The following MARCHF6 variants were observed in gnomAD, a reference collection of about 807,000 sequenced individuals.
The protein encoded by MARCHF6 is E3 ubiquitin-protein ligase MARCHF6.
In MARCHF6, 31 loss-of-function variants were observed where a neutral mutation model predicts 133.7. That is an observed-to-expected ratio of 0.23 (90% CI 0.17 to 0.31). MARCHF6 has a LOEUF of 0.31. MARCHF6 is among the 10% of genes least tolerant of loss of function. The pLI is 1.00. For synonymous variants in MARCHF6, 395 were observed against 402.5 expected (o/e 0.98, Z 0.22); for missense variants, 723 against 1,121.6 (o/e 0.64, Z 5.08).
intron 1 of MARCHF6, among the ~76,000 whole-genome samples, chr5:10,368,760 A>G (rs1579528811): frequency 6.6e-6 from 1 of 151,546 alleles, no homozygotes; most frequent in Admixed American, 6.6e-5. Context: ...TTTAGTAGAG[A>G]TGGTGTTTCA....
rs555668676 is a variant in MARCHF6 at position 10,376,600 on chromosome 5, T to C, written c.20-1198T>C. 1.5e-4 allele frequency among the ~76,000 whole-genome samples: 23 copies of C among 152,188 alleles called. No individual in the cohort carries two copies. The South Asian group carries it at 4.1e-3, about 27-fold the overall frequency. On this transcript the variant is annotated intron_variant, in intron 1 of 25. Transcript: ENST00000274140. ...AGGTGAGCATTCGGCATCTCCCAATTTAGACAAATGGCATTCAGCCATCTG... is the reference window on the plus strand; with the variant it reads ...AGGTGAGCATTCGGCATCTCCCAATCTAGACAAATGGCATTCAGCCATCTG...
chr5:10,420,989 C>T (rs1328932771), intron 22 of MARCHF6, among the ~76,000 whole-genome samples: 1 of 150,126 alleles, frequency 6.7e-6, no homozygotes, highest in Non-Finnish European at 1.5e-5. Flanking sequence ...TTCTAGCACT[C>T]TTACTGAGGG....
rs555848968 is a variant in MARCHF6 at position 10,383,396 on chromosome 5, A to G, written c.334+1453A>G. Among the ~76,000 whole-genome samples the G allele has an allele frequency of 1.3e-4, 20 of 152,340 alleles. No homozygotes were observed. In the South Asian group the frequency reaches 3.7e-3, roughly 28 times the overall value. On this transcript the variant is annotated intron_variant, in intron 4 of 25. Coordinates refer to ENST00000274140, the MANE Select transcript of MARCHF6 (RefSeq NM_005885.4). ...CTGACCATGGTAAAGGAAAAGTCTCATGAACCTAGACATATTCTCAAGTTT... is the reference window on the plus strand; with the variant it reads ...CTGACCATGGTAAAGGAAAAGTCTCGTGAACCTAGACATATTCTCAAGTTT...
chr5:10,436,109 G>T lies in MARCHF6; in HGVS notation c.*2425G>T, dbSNP rs1740645674. On this transcript the variant is annotated 3_prime_UTR_variant, in exon 26 of 26. Transcript: ENST00000274140. ...TTGTGGATCTTGGTATAAAGTCATT[G>T]GAACATATCTGTTTTAACAGCAAGA... 6.6e-6 allele frequency: 1 copy of T among 152,042 alleles called. No homozygotes were observed. The highest frequency in any genetic ancestry group is 2.1e-4 in the South Asian group (1 of 4,806). The allele number at this position is 152,042 out of a possible 1,614,324, so 9.4% of individuals were successfully genotyped here. A position where few individuals can be genotyped will look rare whatever the true frequency, so the allele number is the denominator to read the frequency against.
chr5:10,437,650 A>G lies in MARCHF6; in HGVS notation c.*3966A>G, dbSNP rs1161992798. ...ACCTTAAATAAAAATGTAATGACTA[A>G]TCTAAGGTCTAGGAATAACTATTGT... On this transcript the variant is annotated 3_prime_UTR_variant, in exon 26 of 26. Transcript: ENST00000274140. 4.6e-5 allele frequency: 7 copies of G among 152,220 alleles called. No individual in the cohort carries two copies. The highest frequency in any genetic ancestry group is 1.7e-4 in the African/African-American group (7 of 41,456). 9.4% of individuals were successfully genotyped at this position (152,220 alleles called of 1,614,324 possible). A position where few individuals can be genotyped will look rare whatever the true frequency, so the allele number is the denominator to read the frequency against.
chr5:10,423,551 A>T (rs1739935170), intron 22 of MARCHF6, among the ~76,000 whole-genome samples, 184 bp from the exon 23 acceptor site: 1 of 152,212 alleles, frequency 6.6e-6, no homozygotes, highest in Non-Finnish European at 1.5e-5. Flanking sequence ...GAAACATTGA[A>T]TTTGAGCTGT....
intron 2 of MARCHF6, 101 bp from the exon 3 acceptor site, chr5:10,378,658 C>G: frequency 1.4e-6 from 1 of 729,510 alleles, no homozygotes. Flanking sequence ...AAACTAAAAG[C>G]TCTGTGATAT....
intron 17 of MARCHF6, among the ~76,000 whole-genome samples, chr5:10,407,965 C>CA (rs1288525562): frequency 1.9e-4 from 19 of 97,690 alleles, no homozygotes; most frequent in South Asian, 8.1e-4. Context: ...CCCCCCCCCC[C>CA]AAAAAAAAAA....
In MARCHF6 at chr5:10,391,636, C is replaced by T. The variant is rs1737852959; in HGVS notation, c.671C>T (p.Ala224Val). 1.2e-6 allele frequency: 2 copies of T among 1,611,320 alleles called. No individual in the cohort carries two copies. The highest frequency in any genetic ancestry group is 1.7e-6 in the Non-Finnish European group (2 of 1,178,944). Residue 224 changes from alanine (A) to valine (V), a missense_variant, in exon 7 of 26, where the codon GCC (alanine) becomes GTC (valine). Ala to Val is a moderately conservative substitution (Grantham distance 64). Transcript: ENST00000274140. ...GCAGTGGTGGGGGAAAACCCTGATG[C>T]CCAGGATGACCAGGCAGAAGAGGAG... is the stretch of plus-strand genomic sequence containing the variant. ...ENAVVGENPD[A>V]QDDQAEEEEE...
chr5:10,363,780 G>C (rs1177921300), intron 1 of MARCHF6, among the ~76,000 whole-genome samples: 1 of 152,118 alleles, frequency 6.6e-6, no homozygotes, highest in African/African-American at 2.4e-5. Flanking sequence ...CAGTTCAAAG[G>C]AATTAAGTAC....
chr5:10,357,081 A>G (rs1423085991), intron 1 of MARCHF6, among the ~76,000 whole-genome samples: 1 of 152,160 alleles, frequency 6.6e-6, no homozygotes, highest in Non-Finnish European at 1.5e-5. Flanking sequence ...CCATCCTGAC[A>G]TTTTTAAACT....
Position 10,426,445 on chromosome 5 carries a change from C to T in MARCHF6, c.2429C>T (p.Ala810Val), listed in dbSNP as rs1194919577. Residue 810 changes from alanine to valine, a missense_variant, in exon 24 of 26, where the codon GCA becomes GTA. Physicochemically the swap from Ala to Val is moderately conservative, Grantham distance 64 (BLOSUM62 0). Around this residue, in one of 4 missense-constraint regions of MARCHF6, gnomAD observed 492 missense variants for 699.5 expected, o/e 0.70. Coordinates refer to ENST00000274140, the MANE Select transcript of MARCHF6 (RefSeq NM_005885.4). ...CTTCACTATATTGTTCGTAAACTGG[C>T]AGCTCCCGTGATCTCTGTGCTGTTG... ...IDLHYIVRKL[A>V]APVISVLLLS... The T allele has an allele frequency of 6.2e-7, 1 of 1,614,130 alleles. No homozygotes were observed. The highest frequency in any genetic ancestry group is 1.1e-5 in the South Asian group (1 of 91,078).
At chr5:10,416,168 C>T (rs137894275) in intron 21 of MARCHF6, among the ~76,000 whole-genome samples, 1 of 152,276 alleles carries the variant, frequency 6.6e-6, no homozygotes, top group African/African-American at 2.4e-5. Context: ...ACACATATGA[C>T]TCCCACAAAT....
chr5:10,423,884 A>G (rs1739947798), intron 23 of MARCHF6, 60 bp downstream of exon 23: 2 of 1,268,392 alleles, frequency 1.6e-6, no homozygotes, highest in Non-Finnish European at 2.3e-6. Context: ...TATGTTTGGC[A>G]GCTATAACTC....
At chr5:10,362,271 A>G (rs1204856575) in intron 1 of MARCHF6, among the ~76,000 whole-genome samples, 1 of 152,240 alleles carries the variant, frequency 6.6e-6, no homozygotes. Flanking sequence ...TATTGGGTAC[A>G]TGTCTACTAC....
chr5:10,390,547 AATT>A lies in MARCHF6; in HGVS notation c.576+51_576+53del, dbSNP rs765675167. On this transcript the variant is annotated intron_variant, in intron 6 of 25. Coordinates refer to ENST00000274140, the MANE Select transcript of MARCHF6 (RefSeq NM_005885.4). ...TGATTTTACTTAGGTAGGTCATGAG[AATT>A]ATTGTTTCTCTCTGAGACTCAAACT... The A allele has an allele frequency of 9.7e-6, 15 of 1,539,380 alleles. No individual in the cohort carries two copies. The South Asian group carries it at 1.3e-4, about 13-fold the overall frequency.
intron 1 of MARCHF6, among the ~76,000 whole-genome samples, chr5:10,357,600 TCAGA>T (rs1456357970): frequency 6.6e-6 from 1 of 152,192 alleles, no homozygotes; most frequent in Admixed American, 6.6e-5. Context: ...GTTGTCAGAA[TCAGA>T]CAGCTAGTTC....
intron 1 of MARCHF6, among the ~76,000 whole-genome samples, chr5:10,365,267 A>G (rs1192981069): frequency 6.6e-6 from 1 of 152,056 alleles, no homozygotes; most frequent in Non-Finnish European, 1.5e-5. Context: ...TAAAATAAGT[A>G]AACTTTGGGG....
intron 1 of MARCHF6, among the ~76,000 whole-genome samples, chr5:10,362,992 A>G (rs1359455564): frequency 1.3e-5 from 2 of 149,694 alleles, no homozygotes; most frequent in African/African-American, 2.5e-5. Flanking sequence ...TAGCTGTAGG[A>G]AAAAAAAAAG....
Sources: gnomAD v4.1 joint callset for allele counts (sites outside exome capture counted in the v4.1 genomes callset) on GRCh38, gnomAD v4.1.1 for gene constraint, gnomAD v4.1.1 regional missense constraint, MANE v1.5 for transcripts, NCBI Gene and HGNC (gene_info 2026-07-23, HGNC 2026-07-21) for gene names.